ADAMTS17: variants seen among roughly 807,000 people sequenced by gnomAD.
ADAMTS17 encodes ADAM metallopeptidase with thrombospondin type 1 motif 17.
ADAMTS17 carries 113 observed loss-of-function variants against 141.5 expected under a neutral mutation model. The observed-to-expected ratio is 0.80, with a 90% CI of 0.69 to 0.93. The LOEUF is 0.93. ADAMTS17 is among the 40% of genes least tolerant of loss of function. ADAMTS17 has a pLI of 0.00. For synonymous variants in ADAMTS17, 768 were observed against 630.6 expected (o/e 1.22, Z -3.27); for missense variants, 1,659 against 1,517.9 (o/e 1.09, Z -1.54).
chr15:100,061,665 T>C (rs182429418), intron 15 of ADAMTS17, among the ~76,000 whole-genome samples: 1 of 152,304 alleles, frequency 6.6e-6, no homozygotes, highest in East Asian at 1.9e-4. Flanking sequence ...GACACTCCTA[T>C]CGCCAGACAC....
At chr15:100,332,524 C>T (rs1462982846) in intron 2 of ADAMTS17, among the ~76,000 whole-genome samples, 1 of 152,258 alleles carries the variant, frequency 6.6e-6, no homozygotes, top group East Asian at 1.9e-4. Context: ...TGGGTCAAAG[C>T]CCCCCCAGGA....
chr15:100,272,309 A>C (rs539978619), intron 4 of ADAMTS17, among the ~76,000 whole-genome samples: 4 of 152,286 alleles, frequency 2.6e-5, no homozygotes, highest in East Asian at 3.9e-4. Flanking sequence ...TGATATCTTA[A>C]CAATAAGTCT....
At chr15:100,125,002 A>G (rs2141198341) in intron 12 of ADAMTS17, among the ~76,000 whole-genome samples, 1 of 152,314 alleles carries the variant, frequency 6.6e-6, no homozygotes, top group African/African-American at 2.4e-5. Context: ...GAAAGATGCC[A>G]CTTTTTATTT....
At position 99,993,310 on chromosome 15, in the gene ADAMTS17, T is replaced by C. The variant is rs1424002301; in HGVS notation, c.2797-110A>G. ...GTGCGGTGTGGGGATGATACAAAGA[T>C]GAAAACCCACACTTCTGTCCTCAAA... On this transcript the variant is annotated intron_variant, in intron 19 of 21. Coordinates refer to ENST00000268070, the MANE Select transcript of ADAMTS17 (RefSeq NM_139057.4). This position sits in a 1 kb window ranked among gnomAD's most constrained non-coding sequence, Gnocchi z 4.3. 6.1e-6 allele frequency: 9 copies of C among 1,470,772 alleles called. No individual in the cohort carries two copies. The highest frequency in any genetic ancestry group is 1.7e-4 in the Middle Eastern group (1 of 5,804). 91.1% of individuals were successfully genotyped at this position (1,470,772 alleles called of 1,614,324 possible). A position where few individuals can be genotyped will look rare whatever the true frequency, so the allele number is the denominator to read the frequency against.
intron 13 of ADAMTS17, among the ~76,000 whole-genome samples, chr15:100,113,050 T>C (rs1460922178): frequency 6.6e-6 from 1 of 152,162 alleles, no homozygotes; most frequent in East Asian, 1.9e-4. Flanking sequence ...GGGGGACACA[T>C]GCTGACGAGG....
At chr15:99,998,126 G>A (rs940964082) in intron 18 of ADAMTS17, among the ~76,000 whole-genome samples, 3 of 152,174 alleles carry the variant, frequency 2.0e-5, no homozygotes, top group Admixed American at 2.0e-4. Context: ...ATAGGGGATT[G>A]ATACAGCCAC....
At chr15:100,118,766 G>C (rs2037296418) in intron 12 of ADAMTS17, among the ~76,000 whole-genome samples, 1 of 152,174 alleles carries the variant, frequency 6.6e-6, no homozygotes, top group African/African-American at 2.4e-5. Context: ...ATCAGTAGGA[G>C]AAACATCACC....
intron 3 of ADAMTS17, among the ~76,000 whole-genome samples, chr15:100,330,433 C>G (rs979499059): frequency 9.2e-5 from 14 of 152,206 alleles, no homozygotes; most frequent in Non-Finnish European, 1.6e-4. Flanking sequence ...CCACGTGATG[C>G]TGATGCTGCT....
chr15:100,061,791 G>C (rs79908272), intron 15 of ADAMTS17, among the ~76,000 whole-genome samples: 2,072 of 152,260 alleles, frequency 0.014, 27 homozygotes, highest in South Asian at 0.023. Context: ...CCACTACTTC[G>C]ACCTCCAAAC....
chr15:100,242,786 C>T (rs187957910), intron 7 of ADAMTS17, among the ~76,000 whole-genome samples: 1 of 152,190 alleles, frequency 6.6e-6, no homozygotes, highest in Non-Finnish European at 1.5e-5. Flanking sequence ...AACACTGCTC[C>T]CTCTGTCATC....
chr15:100,122,487 A>G (rs751627075), intron 12 of ADAMTS17, among the ~76,000 whole-genome samples: 6 of 152,140 alleles, frequency 3.9e-5, no homozygotes, highest in Non-Finnish European at 5.9e-5. Context: ...AGTAACATCA[A>G]TGCGGGCCTC....
chr15:100,261,446 C>T lies in ADAMTS17; in HGVS notation c.1031+33G>A. On this transcript the variant is annotated intron_variant, in intron 6 of 21. Transcript: ENST00000268070. ...CTGAAGGGAAACATCTTTTCCCTCTCACATGTCAGCTACAGGCCAAATCCC... is the reference window on the plus strand; with the variant it reads ...CTGAAGGGAAACATCTTTTCCCTCTTACATGTCAGCTACAGGCCAAATCCC... 2 of 1,613,344 alleles carry T rather than the reference C, an allele frequency of 1.2e-6. 1 individual carries two copies. Among genetic ancestry groups the T allele is most frequent in the South Asian group, 2.2e-5 (2 of 91,026 alleles).
At chr15:100,300,883 T>A (rs2045007861) in intron 3 of ADAMTS17, among the ~76,000 whole-genome samples, 1 of 152,194 alleles carries the variant, frequency 6.6e-6, no homozygotes, top group Non-Finnish European at 1.5e-5. Context: ...CTTTTGTGGG[T>A]CCCTTAATCT....
chr15:100,270,352 T>TACAC, intron 4 of ADAMTS17, among the ~76,000 whole-genome samples: 1 of 152,166 alleles, frequency 6.6e-6, no homozygotes, highest in East Asian at 1.9e-4. Flanking sequence ...AGATGGCCCA[T>TACAC]AGTTCAGCAG....
chr15:100,017,444 G>A (rs1373479836), intron 18 of ADAMTS17, among the ~76,000 whole-genome samples: 1 of 152,068 alleles, frequency 6.6e-6, no homozygotes, highest in African/African-American at 2.4e-5. Flanking sequence ...TCCCTGTGGT[G>A]TTCAGCCTCT....
chr15:100,124,506 G>A (rs552455884), intron 12 of ADAMTS17, among the ~76,000 whole-genome samples: 1 of 152,346 alleles, frequency 6.6e-6, no homozygotes, highest in South Asian at 2.1e-4. Context: ...GGGGCAAGTA[G>A]AAAGCCACCC....
chr15:100,316,415 T>C (rs989109881), intron 3 of ADAMTS17, among the ~76,000 whole-genome samples: 3 of 152,220 alleles, frequency 2.0e-5, no homozygotes, highest in Admixed American at 6.5e-5. Context: ...CATCCGTGGG[T>C]CACGTCTGGG....
At chr15:100,004,147 G>A (rs1035800820) in intron 18 of ADAMTS17, among the ~76,000 whole-genome samples, 3 of 152,376 alleles carry the variant, frequency 2.0e-5, no homozygotes, top group Non-Finnish European at 4.4e-5. Context: ...AGAGCAGAGC[G>A]CTGTGCCCGG....
At chr15:100,151,223 G>T (rs1488092768) in intron 10 of ADAMTS17, among the ~76,000 whole-genome samples, 1 of 152,196 alleles carries the variant, frequency 6.6e-6, no homozygotes, top group Non-Finnish European at 1.5e-5. Flanking sequence ...CTCCCCAGGG[G>T]AATGGCAGGG....
Sources: gnomAD v4.1 joint callset for allele counts (sites outside exome capture counted in the v4.1 genomes callset) on GRCh38, gnomAD v4.1.1 for gene constraint, Gnocchi (gnomAD v3.1) non-coding constraint, MANE v1.5 for transcripts, NCBI Gene and HGNC (gene_info 2026-07-23, HGNC 2026-07-21) for gene names.